Variants in DNAJC11 observed in about 807,000 individuals in gnomAD.
DNAJC11 encodes the protein dnaJ homolog subfamily C member 11.
A neutral mutation model predicts 78.6 loss-of-function variants in DNAJC11; 15 were observed. The ratio of observed to expected loss-of-function variants is 0.19; its 90% CI spans 0.13 to 0.29. The LOEUF (loss-of-function observed/expected upper bound fraction) is 0.29, where lower values mean the gene tolerates loss of function less well. DNAJC11 is among the 10% of genes least tolerant of loss of function. The pLI is 1.00. For synonymous variants in DNAJC11, 292 were observed against 272.1 expected (o/e 1.07, Z -0.72); for missense variants, 547 against 709.6 (o/e 0.77, Z 2.60).
chr1:6,641,539 T>A (rs1641878971), intron 10 of DNAJC11, among the ~76,000 whole-genome samples: 1 of 147,482 alleles, frequency 6.8e-6, no homozygotes, highest in Non-Finnish European at 1.5e-5. Context: ...AGACAAAAAT[T>A]TTTTTTTTTT....
chr1:6,654,235 C>T (rs960954409), intron 4 of DNAJC11, 196 bp from the exon 5 acceptor site: 8 of 508,402 alleles, frequency 1.6e-5, no homozygotes, highest in African/African-American at 1.4e-4. Context: ...CAGAGCACCA[C>T]AGACGTCCAG....
chr1:6,689,571 T>C (rs562172524), intron 1 of DNAJC11, among the ~76,000 whole-genome samples: 138 of 152,186 alleles, frequency 9.1e-4, no homozygotes, highest in African/African-American at 3.1e-3. Context: ...GCAGATCACC[T>C]GAGGTTGGGA....
In DNAJC11 at chr1:6,645,725, A is replaced by G; in HGVS notation, c.894+64T>C. Reference sequence around the variant, plus strand: ...GACGCAGGATTTAAGGGGAGCACTGAGTGCTTGGGAGGAGGGGTCCTCCCA... The same window carrying G: ...GACGCAGGATTTAAGGGGAGCACTGGGTGCTTGGGAGGAGGGGTCCTCCCA... On this transcript the variant is annotated intron_variant, in intron 8 of 15. Coordinates refer to ENST00000377577, the MANE Select transcript of DNAJC11 (RefSeq NM_018198.4). The surrounding 1 kb of genome is among the most constrained non-coding windows in gnomAD (Gnocchi z 4.1). 1 of 1,566,778 alleles carries G rather than the reference A, an allele frequency of 6.4e-7. No individual in the cohort carries two copies. Among genetic ancestry groups the G allele is most frequent in the Non-Finnish European group, 8.7e-7 (1 of 1,144,154 alleles).
chr1:6,658,793 G>A (rs1423166044), intron 4 of DNAJC11, among the ~76,000 whole-genome samples: 1 of 152,096 alleles, frequency 6.6e-6, no homozygotes, highest in Non-Finnish European at 1.5e-5. Context: ...TCTCCCTTGG[G>A]AGGAACCAAC....
At chr1:6,670,791 G>A (rs866745984) in intron 3 of DNAJC11, 1 of 152,036 alleles carries the variant, frequency 6.6e-6, no homozygotes, top group Admixed American at 6.6e-5. Context: ...AAATCATCGA[G>A]GGTGCGTCAC....
chr1:6,636,151 C>T lies in DNAJC11; in HGVS notation c.1620G>A (p.Val540=). The T allele has an allele frequency of 1.2e-6, 2 of 1,614,186 alleles. No homozygotes were observed. Among genetic ancestry groups the T allele is most frequent in the Non-Finnish European group, 1.7e-6 (2 of 1,180,024 alleles). ...GTATCCGGAGGGCCTCACTGTCCAGCACCATCACCTGATGCAGGACGCCCC... is the reference window on the plus strand; with the variant it reads ...GTATCCGGAGGGCCTCACTGTCCAGTACCATCACCTGATGCAGGACGCCCC... ...QFRGVLHQVM[V]LDSEALRIPK... Residue 540 remains valine, a synonymous_variant, in exon 15 of 16, where the codon GTG becomes GTA. Transcript: ENST00000377577.
Position 6,635,646 on chromosome 1 carries a change from G to A in DNAJC11, c.*29C>T, listed in dbSNP as rs757364100. ...AGACTCCCAGGAAAAGATTTTTTGC[G>A]GCCTTTTAAAAATCTGGTTCTTGGC... On this transcript the variant is annotated 3_prime_UTR_variant, in exon 16 of 16. Coordinates refer to ENST00000377577, the MANE Select transcript of DNAJC11 (RefSeq NM_018198.4). 2.9e-5 allele frequency: 46 copies of A among 1,610,786 alleles called. No homozygotes were observed. Among genetic ancestry groups the A allele is most frequent in the Admixed American group, 6.8e-5 (4 of 59,196 alleles).
At chr1:6,651,222 TCCACTGA>T (rs750446576) in intron 7 of DNAJC11, 1 of 606,914 alleles carries the variant, frequency 1.6e-6, no homozygotes, top group Non-Finnish European at 3.2e-6. Flanking sequence ...AGTGTTTCGG[TCCACTGA>T]CCAACTCTCC....
chr1:6,655,089 G>A (rs545903089), intron 4 of DNAJC11, among the ~76,000 whole-genome samples: 5 of 152,172 alleles, frequency 3.3e-5, no homozygotes, highest in East Asian at 3.9e-4. Flanking sequence ...GAGCCACCGC[G>A]CCCAGCTGGT....
At position 6,680,700 on chromosome 1, in the gene DNAJC11, T is replaced by A. The variant is rs1309407841; in HGVS notation, c.202+208A>T. The stretch of plus-strand genomic sequence containing the variant: ...AGACTCTGTCTATTACCTCGCCCGG[T>A]CTCTCATTTTCTACTTACTGGACAC... On this transcript the variant is annotated intron_variant, in intron 2 of 15. Transcript: ENST00000377577. This position sits in a 1 kb window ranked among gnomAD's most constrained non-coding sequence, Gnocchi z 4.0. 6.6e-6 allele frequency among the ~76,000 whole-genome samples: 1 copy of A among 152,168 alleles called. No individual in the cohort carries two copies. Among genetic ancestry groups the A allele is most frequent in the Admixed American group, 6.5e-5 (1 of 15,276 alleles).
intron 4 of DNAJC11, among the ~76,000 whole-genome samples, chr1:6,657,747 C>T (rs553512639): frequency 6.6e-6 from 1 of 152,314 alleles, no homozygotes; most frequent in East Asian, 1.9e-4. Context: ...TGGGTTCACG[C>T]CATTCTCCTG....
intron 3 of DNAJC11, among the ~76,000 whole-genome samples, chr1:6,672,508 G>T (rs3789572): frequency 0.27 from 40,647 of 152,118 alleles, 6,589 homozygotes; most frequent in South Asian, 0.47. Flanking sequence ...TAATCCAAAG[G>T]TGGCAGATCA....
Position 6,701,712 on chromosome 1 carries a change from C to G in DNAJC11, c.72+17G>C, listed in dbSNP as rs778479361. 2.6e-6 allele frequency: 4 copies of G among 1,536,698 alleles called. No homozygotes were observed. The highest frequency in any genetic ancestry group is 1.7e-4 in the Middle Eastern group (1 of 5,938). Reference sequence around the variant, plus strand: ...GGCTCGGCCTCAGCCCCCAGAGCGTCCAGCCGCTGGCCTCACCTCCCTGCG... The same window carrying G: ...GGCTCGGCCTCAGCCCCCAGAGCGTGCAGCCGCTGGCCTCACCTCCCTGCG... On this transcript the variant is annotated intron_variant, in intron 1 of 15. Transcript: ENST00000377577.
At chr1:6,643,134 A>T (rs1641904827) in intron 10 of DNAJC11, among the ~76,000 whole-genome samples, 1 of 151,994 alleles carries the variant, frequency 6.6e-6, no homozygotes, top group South Asian at 2.1e-4. Context: ...ATGAAGAAGA[A>T]TCACCCTCTG....
chr1:6,681,457 A>G (rs1642551138), intron 1 of DNAJC11, among the ~76,000 whole-genome samples: 1 of 152,244 alleles, frequency 6.6e-6, no homozygotes. Context: ...ATTTAATGAC[A>G]TAACGAACAT....
At chr1:6,636,307 C>A in intron 14 of DNAJC11, 61 bp from the exon 15 acceptor site, 1 of 1,597,318 alleles carries the variant, frequency 6.3e-7, no homozygotes, top group South Asian at 1.1e-5. Context: ...CACTCCTCCT[C>A]ACTACCACCG....
chr1:6,680,684 C>T lies in DNAJC11; in HGVS notation c.202+224G>A, dbSNP rs1642537869. Among the ~76,000 whole-genome samples, 1 of 152,212 alleles carries T rather than the reference C, an allele frequency of 6.6e-6. No individual in the cohort carries two copies. Among genetic ancestry groups the T allele is most frequent in the Admixed American group, 6.5e-5 (1 of 15,280 alleles). The stretch of plus-strand genomic sequence containing the variant: ...TATTCCCTTGCAATTGAGACTCTGT[C>T]TATTACCTCGCCCGGTCTCTCATTT... On this transcript the variant is annotated intron_variant, in intron 2 of 15. Transcript: ENST00000377577. The surrounding 1 kb of genome is among the most constrained non-coding windows in gnomAD (Gnocchi z 4.0).
rs1357191915 is a variant in DNAJC11, at chr1:6,634,712, A to G, written c.*963T>C. On this transcript the variant is annotated 3_prime_UTR_variant, in exon 16 of 16. Coordinates refer to ENST00000377577, the MANE Select transcript of DNAJC11 (RefSeq NM_018198.4). ...GCACGTGGAGGAAGGGTCTGAAGGA[A>G]GGCTCCGGAGCACAGGCCCTGGTGT... is the stretch of plus-strand genomic sequence containing the variant. The G allele has an allele frequency of 7.3e-7, 1 of 1,363,830 alleles. No homozygotes were observed. Among genetic ancestry groups the G allele is most frequent in the Non-Finnish European group, 9.8e-7 (1 of 1,020,816 alleles). 84.5% of individuals were successfully genotyped at this position (1,363,830 alleles called of 1,614,324 possible). A position where few individuals can be genotyped will look rare whatever the true frequency, so the allele number is the denominator to read the frequency against.
At chr1:6,681,887 CA>C (rs947412902) in intron 1 of DNAJC11, among the ~76,000 whole-genome samples, 10 of 152,146 alleles carry the variant, frequency 6.6e-5, no homozygotes, top group Non-Finnish European at 1.2e-4. Flanking sequence ...TTTGGCCTAT[CA>C]GGGGTGGTAC....
Sources: allele counts gnomAD v4.1 joint callset (sites outside exome capture counted in the v4.1 genomes callset), GRCh38; gene constraint gnomAD v4.1.1; non-coding constraint Gnocchi (gnomAD v3.1); transcripts MANE v1.5; gene names NCBI Gene and HGNC (gene_info 2026-07-23, HGNC 2026-07-21).